The following TJP2 variants were observed in gnomAD, a reference collection of about 807,000 sequenced individuals.
TJP2 encodes the protein tight junction protein 2.
TJP2 carries 91 observed loss-of-function variants against 133.1 expected under a neutral mutation model. That is an observed-to-expected ratio of 0.68 (90% confidence interval 0.58 to 0.81). The LOEUF (loss-of-function observed/expected upper bound fraction) is 0.81. Among genes scored for constraint, TJP2 ranks in the 40% least tolerant of loss-of-function variants. The pLI, the probability that TJP2 is intolerant of heterozygous loss-of-function variation, is 0.00. For synonymous variants in TJP2, 592 were observed against 583.4 expected, an observed-to-expected ratio of 1.01 and a Z score of -0.21; for missense variants, 1,541 against 1,565.6, an observed-to-expected ratio of 0.98 and a Z score of 0.26.
rs58633546 is a variant in TJP2, at chr9:69,147,220, C to T, written c.-130-4431C>T. Among the ~76,000 whole-genome samples, 266 of 152,202 alleles carry T rather than the reference C, an allele frequency of 1.7e-3. 2 individuals are homozygous for T. Among genetic ancestry groups the T allele is most frequent in the African/African-American group, 6.2e-3 (259 of 41,528 alleles). The stretch of plus-strand genomic sequence containing the variant: ...AGCCTAGACCTTAGTCTCAGAATGA[C>T]GAAAGTTTAGAACTGGGAGGACCTT... On this transcript the variant is annotated intron_variant, in intron 1 of 5. Transcript: ENST00000423935.
intron 20 of TJP2, 198 bp downstream of exon 20, chr9:69,249,683 CA>C: frequency 1.0e-6 from 1 of 985,294 alleles, no homozygotes; most frequent in East Asian, 1.1e-4. Context: ...GAAGGAAAGG[CA>C]ATATTAGGAG....
intron 1 of TJP2, among the ~76,000 whole-genome samples, chr9:69,141,982 A>G (rs1823038239): frequency 6.6e-6 from 1 of 152,222 alleles, no homozygotes; most frequent in Non-Finnish European, 1.5e-5. Flanking sequence ...AACTTGTTCA[A>G]GGTCACCAGG....
intron 1 of TJP2, among the ~76,000 whole-genome samples, chr9:69,190,178 A>G (rs1226132495): frequency 6.6e-6 from 1 of 152,210 alleles, no homozygotes; most frequent in Admixed American, 6.5e-5. Flanking sequence ...CACCTCCCTC[A>G]CTGTCTTTTT....
chr9:69,246,556 AG>A, intron 17 of TJP2, 133 bp from the exon 18 acceptor site: 1 of 769,324 alleles, frequency 1.3e-6, no homozygotes, highest in Non-Finnish European at 2.3e-6. Flanking sequence ...TAATATTCAA[AG>A]ATGTGCAAAC....
At chr9:69,137,742 C>T (rs1822841076) in intron 1 of TJP2, among the ~76,000 whole-genome samples, 1 of 152,036 alleles carries the variant, frequency 6.6e-6, no homozygotes, top group South Asian at 2.1e-4. Context: ...CTTTGAATCT[C>T]TTTCTGTGGG....
At chr9:69,145,598 A>T in intron 1 of TJP2, 1 of 607,722 alleles carries the variant, frequency 1.6e-6, no homozygotes, top group Non-Finnish European at 2.4e-6. Context: ...AGCTAGGGCT[A>T]CATAGAGAAC....
At chr9:69,144,344 C>T (rs181940458) in intron 1 of TJP2, among the ~76,000 whole-genome samples, 7 of 152,084 alleles carry the variant, frequency 4.6e-5, no homozygotes, top group South Asian at 2.1e-4. Context: ...TTAAGATTTG[C>T]GGGGATGGGG....
At position 69,254,252 on chromosome 9, in the gene TJP2, C is replaced by T; in HGVS notation, c.3451C>T (p.Gln1151Ter). 6.2e-7 allele frequency: 1 copy of T among 1,614,240 alleles called. No homozygotes were observed. Among genetic ancestry groups the T allele is most frequent in the Non-Finnish European group, 8.5e-7 (1 of 1,180,044 alleles). Residue 1151 changes from glutamine to a stop codon, truncating the protein, a stop_gained, in exon 23 of 23, where the codon CAG becomes TAG. Transcript: ENST00000377245. LOFTEE classifies it high-confidence loss of function. Reference protein sequence around the residue: ...EPQKAPSRPYQDTRGSYGSDA... With the variant: ...EPQKAPSRPY ...ACAGAAAGCTCCTTCCAGACCTTAT[C>T]AGGATACCAGAGGAAGTTATGGCAG...
intron 7 of TJP2, 110 bp from the exon 8 acceptor site, chr9:69,227,655 A>T: frequency 1.3e-6 from 1 of 754,342 alleles, no homozygotes; most frequent in Non-Finnish European, 2.2e-6. Context: ...TTTCCTGCCT[A>T]CCTCGTTTCC....
At chr9:69,159,184 G>T (rs1339084803) in intron 2 of TJP2, among the ~76,000 whole-genome samples, 1 of 151,866 alleles carries the variant, frequency 6.6e-6, no homozygotes, top group Non-Finnish European at 1.5e-5. Context: ...GTGTGGTGGC[G>T]GGCGCCTGTA....
intron 1 of TJP2, among the ~76,000 whole-genome samples, chr9:69,210,077 AGGAGTTTGAGATGAGCCTGGCCAACAT>A (rs1256942325): frequency 7.2e-5 from 11 of 152,158 alleles, no homozygotes; most frequent in Non-Finnish European, 1.5e-5. Flanking sequence ...ATTTGAGGTC[AGGAGTTTGAGATGAGCCTGGCCAACAT>A]GGTGAAACCG....
intron 20 of TJP2, among the ~76,000 whole-genome samples, chr9:69,249,933 C>T (rs1831208852): frequency 6.6e-6 from 1 of 152,118 alleles, no homozygotes; most frequent in Non-Finnish European, 1.5e-5. Context: ...CAATGCCTCT[C>T]ATTAAGAGAG....
Position 69,191,303 on chromosome 9 carries a change from C to T in TJP2, c.60+16871C>T, listed in dbSNP as rs548399353. On this transcript the variant is annotated intron_variant, in intron 1 of 22. Coordinates refer to ENST00000377245, the MANE Select transcript of TJP2 (RefSeq NM_004817.4). ...ACTGCAATGTCTTTGTATCATCAAA[C>T]ATTTCTGTGTTTCTGATGTTTCAGA... Among the ~76,000 whole-genome samples the T allele has an allele frequency of 7.9e-4, 121 of 152,298 alleles. 2 individuals carry two copies. The highest frequency in any genetic ancestry group is 2.8e-3 in the African/African-American group (116 of 41,576).
chr9:69,133,376 G>T (rs1447924530), intron 1 of TJP2, among the ~76,000 whole-genome samples: 2 of 152,080 alleles, frequency 1.3e-5, no homozygotes, highest in Non-Finnish European at 2.9e-5. Context: ...GCCTAGCCAA[G>T]GATAGGTGTG....
At chr9:69,233,084 A>T (rs1463706192) in intron 11 of TJP2, among the ~76,000 whole-genome samples, 1 of 152,258 alleles carries the variant, frequency 6.6e-6, no homozygotes, top group Non-Finnish European at 1.5e-5. Flanking sequence ...ACAAGAAAGG[A>T]TACCAAAATG....
intron 13 of TJP2, among the ~76,000 whole-genome samples, 181 bp from the exon 14 acceptor site, chr9:69,236,768 G>C (rs532853160): frequency 6.6e-6 from 1 of 152,248 alleles, no homozygotes; most frequent in South Asian, 2.1e-4. Context: ...CAGAGACCCA[G>C]CCTTTTTCTG....
At chr9:69,151,340 G>A (rs1564383062) in intron 1 of TJP2, among the ~76,000 whole-genome samples, 2 of 152,112 alleles carry the variant, frequency 1.3e-5, no homozygotes, top group Non-Finnish European at 2.9e-5. Context: ...AATTAGCCGG[G>A]CGTGGTGGCG....
chr9:69,251,240 AGAGCAGT>A lies in TJP2; in HGVS notation c.3201_3207del (p.Ser1067ArgfsTer139), dbSNP rs755588325. On this transcript the variant is annotated frameshift_variant, in exon 21 of 23. Transcript: ENST00000377245. LOFTEE classifies it high-confidence loss of function. ...CCTCAAGAGGGTGAGGAGGTGGGAG[AGAGCAGT>A]GAGGAGCAAGATAATGCTCCCAAAT... 6.2e-7 allele frequency: 1 copy of A among 1,614,098 alleles called. No individual in the cohort carries two copies. Among genetic ancestry groups the A allele is most frequent in the Non-Finnish European group, 8.5e-7 (1 of 1,180,014 alleles).
intron 17 of TJP2, among the ~76,000 whole-genome samples, chr9:69,241,684 ATTAT>A (rs1830584217): frequency 6.6e-6 from 1 of 152,162 alleles, no homozygotes; most frequent in African/African-American, 2.4e-5. Context: ...TAGTATTATA[ATTAT>A]TATGATTATT....
Sources: gnomAD v4.1 joint callset for allele counts (sites outside exome capture counted in the v4.1 genomes callset) on GRCh38, gnomAD v4.1.1 for gene constraint, MANE v1.5 for transcripts, NCBI Gene and HGNC (gene_info 2026-07-23, HGNC 2026-07-21) for gene names.